USP24: variants seen among roughly 807,000 people sequenced by gnomAD.
USP24 encodes ubiquitin specific peptidase 24.
Under a neutral mutation model 361.6 loss-of-function variants are expected in USP24, and 97 were observed. That is an observed-to-expected ratio of 0.27 (90% CI 0.23 to 0.32). The LOEUF (loss-of-function observed/expected upper bound fraction) is 0.32, where lower values mean the gene tolerates loss of function less well. Ranked by LOEUF, USP24 falls within the 10% of genes least tolerant of loss-of-function variation. The pLI is 1.00. For synonymous variants in USP24, 1,098 were observed against 1,124.6 expected, an observed-to-expected ratio of 0.98 and a Z score of 0.47; for missense variants, 2,353 against 3,165.6, an observed-to-expected ratio of 0.74 and a Z score of 6.16.
At chr1:55,094,875 C>A (rs980908764) in intron 51 of USP24, among the ~76,000 whole-genome samples, 2 of 151,880 alleles carry the variant, frequency 1.3e-5, no homozygotes, top group Admixed American at 6.6e-5. Flanking sequence ...TGGTGCCCCT[C>A]GCCTGTGGTC....
Position 55,143,003 on chromosome 1 carries a change from A to G in USP24, c.2556T>C (p.Ile852=), listed in dbSNP as rs760773758. 2 of 1,518,206 alleles carry G rather than the reference A, an allele frequency of 1.3e-6. No homozygotes were observed. Among genetic ancestry groups the G allele is most frequent in the Non-Finnish European group, 1.8e-6 (2 of 1,130,014 alleles). 94.0% of individuals were successfully genotyped at this position (1,518,206 alleles called of 1,614,324 possible). The part of the protein sequence containing the change: ...AIQLIINYSY[I]NLNPRLKKDS... Reference sequence around the variant, plus strand: ...CCTTCTTTAATCTAGGATTTAGATTAATGTAACTATAGTTTATGATTAGCT... The same window carrying G: ...CCTTCTTTAATCTAGGATTTAGATTGATGTAACTATAGTTTATGATTAGCT... The change falls in exon 22 of 68, where the codon ATT becomes ATC. Residue 852 remains isoleucine, a synonymous_variant. Transcript: ENST00000294383.
In USP24 at chr1:55,098,462, A is replaced by G. The variant is rs374513785; in HGVS notation, c.5453+14T>C. 1.6e-5 allele frequency: 25 copies of G among 1,601,164 alleles called. No individual in the cohort carries two copies. The highest frequency in any genetic ancestry group is 1.1e-4 in the African/African-American group (8 of 74,682). ...GATGATCATTTTTCCTGTGTCGGTG[A>G]TATCTTCACTCACCTGTGAGGACAG... On this transcript the variant is annotated intron_variant, in intron 46 of 67. Transcript: ENST00000294383.
At chr1:55,168,539 G>C (rs1460545229) in intron 5 of USP24, among the ~76,000 whole-genome samples, 1 of 152,132 alleles carries the variant, frequency 6.6e-6, no homozygotes, top group Admixed American at 6.6e-5. Context: ...CCTGGTGACC[G>C]TAAGTGTCCA....
At chr1:55,117,424 A>C (rs1318490365) in intron 38 of USP24, among the ~76,000 whole-genome samples, 2 of 152,248 alleles carry the variant, frequency 1.3e-5, no homozygotes, top group Non-Finnish European at 2.9e-5. Flanking sequence ...GGAAAGCCCT[A>C]AAGTTTCTGC....
intron 52 of USP24, chr1:55,093,729 G>T: frequency 1.9e-6 from 1 of 524,362 alleles, no homozygotes; most frequent in Non-Finnish European, 3.2e-6. Context: ...AATCATGAGT[G>T]TGTATTCATA....
chr1:55,152,532 G>T (rs1459695877), intron 16 of USP24, among the ~76,000 whole-genome samples: 2 of 152,086 alleles, frequency 1.3e-5, no homozygotes, highest in Non-Finnish European at 2.9e-5. Context: ...TTTTTCTATG[G>T]ACACCCTTTT....
At chr1:55,194,320 C>T (rs1644362848) in intron 1 of USP24, among the ~76,000 whole-genome samples, 2 of 152,206 alleles carry the variant, frequency 1.3e-5, no homozygotes, top group African/African-American at 4.8e-5. Context: ...GAATAAACTT[C>T]TTAATCTATT....
chr1:55,199,618 T>TGAGA (rs771516226), intron 1 of USP24, among the ~76,000 whole-genome samples: 136 of 105,424 alleles, frequency 1.3e-3, no homozygotes, highest in Admixed American at 2.5e-3. Context: ...TGTGTGTGTG[T>TGAGA]GTGTGAGAGA....
chr1:55,158,401 G>A (rs1232509121), intron 10 of USP24, among the ~76,000 whole-genome samples: 1 of 152,234 alleles, frequency 6.6e-6, no homozygotes, highest in African/African-American at 2.4e-5. Flanking sequence ...TTGGCTCCAT[G>A]TGTCACACAC....
chr1:55,116,015 C>T (rs762758280), intron 38 of USP24, among the ~76,000 whole-genome samples: 1 of 151,670 alleles, frequency 6.6e-6, no homozygotes, highest in Non-Finnish European at 1.5e-5. Context: ...CAGAACCTGT[C>T]GGGGGGTGGG....
At chr1:55,119,010 G>A (rs1646200791) in intron 38 of USP24, among the ~76,000 whole-genome samples, 1 of 152,220 alleles carries the variant, frequency 6.6e-6, no homozygotes, top group South Asian at 2.1e-4. Flanking sequence ...AAACAGTATG[G>A]TGGTTCCACA....
chr1:55,168,527 G>A (rs1327665989), intron 5 of USP24, among the ~76,000 whole-genome samples: 1 of 152,150 alleles, frequency 6.6e-6, no homozygotes, highest in Non-Finnish European at 1.5e-5. Context: ...CAGCTGCAGA[G>A]CCCTGGTGAC....
At chr1:55,196,611 ACTT>A (rs1274569707) in intron 1 of USP24, among the ~76,000 whole-genome samples, 1 of 152,118 alleles carries the variant, frequency 6.6e-6, no homozygotes, top group African/African-American at 2.4e-5. Context: ...TCCAGTACAG[ACTT>A]CTTCTCTGGA....
rs115989456 is a variant in USP24 at position 55,109,313 on chromosome 1, A to G, written c.4570+872T>C. ...TTGACAGACACTTACGAAACTGATG[A>G]AAGCATCTGCCACCATAGAAATGTT... On this transcript the variant is annotated intron_variant, in intron 39 of 67. Transcript: ENST00000294383. Among the ~76,000 whole-genome samples, 958 of 152,314 alleles carry G rather than the reference A, an allele frequency of 6.3e-3. 7 individuals are homozygous for G. The highest frequency in any genetic ancestry group is 0.021 in the African/African-American group (886 of 41,578).
rs1379687396 is a variant in USP24 at position 55,178,121 on chromosome 1, CTCA to C, written c.333_335del (p.Asp111del). On this transcript the variant is annotated inframe_deletion, in exon 2 of 68. Coordinates refer to ENST00000294383, the MANE Select transcript of USP24 (RefSeq NM_015306.3). ...TTCCTTCCCCTGAGCAGTTTCCATT[CTCA>C]TCATTCTTCTGACGAAAAGGGATTA... The C allele has an allele frequency of 1.3e-6, 2 of 1,550,430 alleles. No individual in the cohort carries two copies. Among genetic ancestry groups the C allele is most frequent in the Non-Finnish European group, 1.7e-6 (2 of 1,146,700 alleles).
intron 42 of USP24, among the ~76,000 whole-genome samples, chr1:55,103,356 T>G (rs1645688788): frequency 6.6e-6 from 1 of 152,222 alleles, no homozygotes; most frequent in African/African-American, 2.4e-5. Context: ...TATCTCATAT[T>G]GTATCACATT....
intron 5 of USP24, among the ~76,000 whole-genome samples, chr1:55,171,236 T>C (rs1338225077): frequency 1.3e-5 from 2 of 152,222 alleles, no homozygotes; most frequent in African/African-American, 2.4e-5. Context: ...TTAAATGCTA[T>C]AGTCTCTCAA....
chr1:55,100,480 G>A (rs1196818191), intron 44 of USP24, among the ~76,000 whole-genome samples: 1 of 147,808 alleles, frequency 6.8e-6, no homozygotes, highest in African/African-American at 2.5e-5. Context: ...TGGGCAACAA[G>A]AGCGAAACTC....
At chr1:55,174,435 A>G (rs1165224) in intron 3 of USP24, among the ~76,000 whole-genome samples, 150,012 of 152,342 alleles carry the variant, frequency 0.98, 73,896 homozygotes, top group East Asian at 1. Flanking sequence ...TAAAGTGCAA[A>G]AGAATTTAAT....
Sources: gnomAD v4.1 joint callset for allele counts (sites outside exome capture counted in the v4.1 genomes callset) on GRCh38, gnomAD v4.1.1 for gene constraint, MANE v1.5 for transcripts, NCBI Gene and HGNC (gene_info 2026-07-23, HGNC 2026-07-21) for gene names.